The following U2SURP variants were observed in gnomAD, a reference collection of about 807,000 sequenced individuals.
U2SURP encodes U2 snRNP-associated SURP motif-containing protein.
U2SURP carries 9 observed loss-of-function variants against 144.9 expected under a neutral mutation model. The ratio of observed to expected loss-of-function variants is 0.06; its 90% CI spans 0.04 to 0.11. The LOEUF (loss-of-function observed/expected upper bound fraction) is 0.11. Among genes scored for constraint, U2SURP ranks in the 10% least tolerant of loss-of-function variants. The pLI is 1.00. For missense variants in U2SURP, 724 were observed against 1,226.7 expected (o/e 0.59, Z 6.12); for synonymous variants, 408 against 396.8 (o/e 1.03, Z -0.33).
chr3:143,047,733 C>A (rs1262853749), intron 24 of U2SURP, among the ~76,000 whole-genome samples: 1 of 77,152 alleles, frequency 1.3e-5, no homozygotes, highest in Non-Finnish European at 2.7e-5. Flanking sequence ...CCGGACTGGG[C>A]GGCTGGCCGG....
In U2SURP at chr3:143,056,675, T is replaced by G; in HGVS notation, c.*225T>G. On this transcript the variant is annotated 3_prime_UTR_variant, in exon 28 of 28. Coordinates refer to ENST00000473835, the MANE Select transcript of U2SURP (RefSeq NM_001080415.2). ...GTGGCTATTTCTCAAGATGAAATTT[T>G]TATTGTTCTAATGGATTTCATCAGA... is the stretch of plus-strand genomic sequence containing the variant. 2.2e-6 allele frequency: 1 copy of G among 463,388 alleles called. No homozygotes were observed. 28.7% of individuals were successfully genotyped at this position (463,388 alleles called of 1,614,324 possible).
At position 143,043,289 on chromosome 3, in the gene U2SURP, G is replaced by T; in HGVS notation, c.2544+13G>T. On this transcript the variant is annotated intron_variant, in intron 24 of 27. Coordinates refer to ENST00000473835, the MANE Select transcript of U2SURP (RefSeq NM_001080415.2). ...TCGTGAAATTGAGGTTGGTGTTGCAGTGAAACTTAAATTACACTTTATTGG... is the reference window on the plus strand; with the variant it reads ...TCGTGAAATTGAGGTTGGTGTTGCATTGAAACTTAAATTACACTTTATTGG... The T allele has an allele frequency of 1.3e-6, 2 of 1,584,298 alleles. No individual in the cohort carries two copies.
chr3:143,017,873 T>C (rs1296866226), intron 6 of U2SURP, among the ~76,000 whole-genome samples: 1 of 150,310 alleles, frequency 6.7e-6, no homozygotes, highest in Non-Finnish European at 1.5e-5. Context: ...ATTTGCCCAC[T>C]TTTGCCTCCC....
chr3:143,007,212 T>A (rs1415525286), intron 1 of U2SURP, among the ~76,000 whole-genome samples: 1 of 152,202 alleles, frequency 6.6e-6, no homozygotes, highest in Admixed American at 6.5e-5. Flanking sequence ...ATTTCTCTTG[T>A]GTATGCTACT....
intron 3 of U2SURP, among the ~76,000 whole-genome samples, chr3:143,013,703 A>G (rs1230088303): frequency 1.3e-5 from 2 of 152,110 alleles, no homozygotes; most frequent in Non-Finnish European, 2.9e-5. Context: ...CTTCATTAAA[A>G]TAGTGTTTTC....
Position 143,022,514 on chromosome 3 carries a change from G to T in U2SURP, c.870G>T (p.Leu290=), listed in dbSNP as rs1028839358. ...NINPQMNEEM[L]CQEFGRFGPL... Reference sequence around the variant, plus strand: ...TTTAATAGATGAATGAAGAAATGCTGTGCCAAGAATTTGGAAGATTTGGAC... The same window carrying T: ...TTTAATAGATGAATGAAGAAATGCTTTGCCAAGAATTTGGAAGATTTGGAC... The change falls in exon 11 of 28, where the codon CTG becomes CTT. Residue 290 remains leucine, a synonymous_variant. Coordinates refer to ENST00000473835, the MANE Select transcript of U2SURP (RefSeq NM_001080415.2). The T allele has an allele frequency of 1.3e-6, 2 of 1,571,552 alleles. No homozygotes were observed. The highest frequency in any genetic ancestry group is 1.2e-5 in the South Asian group (1 of 82,032).
In U2SURP at chr3:143,056,375, A is replaced by G. The variant is rs766240246; in HGVS notation, c.3015A>G (p.Lys1005=). Residue 1005 remains lysine, a synonymous_variant, in exon 28 of 28, where the codon AAA becomes AAG. Coordinates refer to ENST00000473835, the MANE Select transcript of U2SURP (RefSeq NM_001080415.2). ...SRRSRSRSPK[K]SGKKSRSQSR... ...GATCACGGTCTAGATCTCCTAAAAA[A>G]TCAGGAAAGAAGTCCAGATCCCAGT... 16 of 1,612,824 alleles carry G rather than the reference A, an allele frequency of 9.9e-6. No individual in the cohort carries two copies. The highest frequency in any genetic ancestry group is 1.3e-5 in the Non-Finnish European group (15 of 1,179,326).
At chr3:143,045,834 T>C (rs567732062) in intron 24 of U2SURP, among the ~76,000 whole-genome samples, 27 of 152,344 alleles carry the variant, frequency 1.8e-4, no homozygotes, top group African/African-American at 6.5e-4. Flanking sequence ...CTTAAAATTA[T>C]CTAATCTTCT....
chr3:143,002,000 C>T (rs1428253693), intron 1 of U2SURP, among the ~76,000 whole-genome samples: 1 of 152,252 alleles, frequency 6.6e-6, no homozygotes, highest in Non-Finnish European at 1.5e-5. Context: ...TTCCTGCGCC[C>T]TGAGGCCGCC....
chr3:143,047,784 A>G (rs531015283), intron 24 of U2SURP, among the ~76,000 whole-genome samples: 1 of 63,538 alleles, frequency 1.6e-5, no homozygotes, highest in African/African-American at 6.3e-5. Context: ...GAACGGGGCG[A>G]CTGGCCGGGC....
At chr3:143,012,115 C>T (rs1936143595) in intron 2 of U2SURP, 107 bp from the exon 3 acceptor site, 6 of 1,359,218 alleles carry the variant, frequency 4.4e-6, no homozygotes, top group Non-Finnish European at 5.1e-6. Context: ...TTTTGATAAT[C>T]TACAATGAAA....
At chr3:143,005,285 A>G (rs566092774) in intron 1 of U2SURP, among the ~76,000 whole-genome samples, 185 of 152,322 alleles carry the variant, frequency 1.2e-3, no homozygotes, top group Non-Finnish European at 1.9e-3. Flanking sequence ...CTGATTAACA[A>G]AAAGTATCAC....
Position 143,001,647 on chromosome 3 carries a change from G to C in U2SURP, c.19G>C (p.Gly7Arg). The C allele has an allele frequency of 1.9e-6, 3 of 1,614,050 alleles. No individual in the cohort carries two copies. Among genetic ancestry groups the C allele is most frequent in the Non-Finnish European group, 2.5e-6 (3 of 1,179,902 alleles). Residue 7 changes from glycine to arginine, a missense_variant, in exon 1 of 28, where the codon GGC becomes CGC. Coordinates refer to ENST00000473835, the MANE Select transcript of U2SURP (RefSeq NM_001080415.2). ...GCTCAAGATGGCGGACAAAACGCCA[G>C]GCGGATCTCAGAAGGCCAGTTCAAA... is the stretch of plus-strand genomic sequence containing the variant. Reference protein sequence around the residue: MADKTPGGSQKASSKTR... With the variant: MADKTPRGSQKASSKTR...
intron 25 of U2SURP, among the ~76,000 whole-genome samples, chr3:143,052,058 A>G (rs1162647238): frequency 1.3e-5 from 2 of 152,146 alleles, no homozygotes; most frequent in Admixed American, 1.3e-4. Flanking sequence ...TGCCCTCTAT[A>G]TATTTGGAAA....
rs1933600406 is a variant in U2SURP, at chr3:143,033,161, TGTG to T, written c.1774-106_1774-104del. On this transcript the variant is annotated intron_variant, in intron 17 of 27. Transcript: ENST00000473835. Reference sequence around the variant, plus strand: ...ATTTCATCTCTGCCAGAGTCATAGTTGTGGTGATACTGAGCTTCATATAACTCT... The same window carrying T: ...ATTTCATCTCTGCCAGAGTCATAGTTGTGATACTGAGCTTCATATAACTCT... 3 of 824,788 alleles carry T rather than the reference TGTG, an allele frequency of 3.6e-6. 1 individual carries two copies. Among genetic ancestry groups the T allele is most frequent in the South Asian group, 3.6e-5 (2 of 55,544 alleles). 51.1% of individuals were successfully genotyped at this position (824,788 alleles called of 1,614,324 possible).
intron 16 of U2SURP, 104 bp from the exon 17 acceptor site, chr3:143,032,680 A>G: frequency 9.8e-7 from 1 of 1,023,504 alleles, no homozygotes; most frequent in Non-Finnish European, 1.4e-6. Flanking sequence ...CTTCAGAATT[A>G]TTTTATGTGA....
At chr3:143,003,176 T>G (rs1373593376) in intron 1 of U2SURP, among the ~76,000 whole-genome samples, 1 of 152,264 alleles carries the variant, frequency 6.6e-6, no homozygotes, top group East Asian at 1.9e-4. Context: ...TGTATGGCTG[T>G]TCTCAATAAA....
At chr3:143,005,489 C>G (rs924465799) in intron 1 of U2SURP, among the ~76,000 whole-genome samples, 1 of 152,190 alleles carries the variant, frequency 6.6e-6, no homozygotes, top group African/African-American at 2.4e-5. Flanking sequence ...TGGTTGTAAC[C>G]TTATCTTAAA....
chr3:143,014,861 G>A (rs1441756334), intron 4 of U2SURP, among the ~76,000 whole-genome samples: 1 of 151,784 alleles, frequency 6.6e-6, no homozygotes, highest in Non-Finnish European at 1.5e-5. Context: ...TTCTATCGAG[G>A]GCATTTATGT....
Sources: allele counts gnomAD v4.1 joint callset (sites outside exome capture counted in the v4.1 genomes callset), GRCh38; gene constraint gnomAD v4.1.1; transcripts MANE v1.5; gene names NCBI Gene and HGNC (gene_info 2026-07-23, HGNC 2026-07-21).